Variants in MROH1 observed in about 807,000 individuals in gnomAD.
MROH1 encodes maestro heat-like repeat-containing protein family member 1.
Under a neutral mutation model 116.5 loss-of-function variants are expected in MROH1, and 117 were observed. The observed-to-expected ratio is 1.00, with a 90% CI of 0.86 to 1.17. MROH1 has a LOEUF of 1.17. Among genes scored for constraint, MROH1 ranks in the 50% most tolerant of loss-of-function variants. The pLI, the probability that MROH1 is intolerant of heterozygous loss-of-function variation, is 0.00. For missense variants in MROH1, 1,873 were observed against 1,338.5 expected (o/e 1.40, Z -6.23); for synonymous variants, 921 against 583.9 (o/e 1.58, Z -8.32).
intron 15 of MROH1, 29 bp from the exon 16 acceptor site, chr8:144,239,006 G>T: frequency 1.3e-6 from 1 of 776,054 alleles, no homozygotes. Flanking sequence ...CCTCTGGGCG[G>T]ATGCAGACCA....
chr8:144,220,383 C>G (rs1334396068), intron 12 of MROH1, among the ~76,000 whole-genome samples: 1 of 152,230 alleles, frequency 6.6e-6, no homozygotes, highest in African/African-American at 2.4e-5. Context: ...ACCGACCGCC[C>G]TAAACTACCA....
chr8:144,258,072 G>C (rs996689328), intron 35 of MROH1, among the ~76,000 whole-genome samples: 1 of 152,300 alleles, frequency 6.6e-6, no homozygotes, highest in East Asian at 1.9e-4. Flanking sequence ...CATCTGAGCC[G>C]ATGGTCGATG....
intron 3 of MROH1, among the ~76,000 whole-genome samples, chr8:144,164,745 A>G (rs1820375538): frequency 1.3e-5 from 2 of 152,150 alleles, no homozygotes; most frequent in Admixed American, 6.5e-5. Flanking sequence ...TTCATCAGAA[A>G]AAAAAAATTA....
intron 12 of MROH1, among the ~76,000 whole-genome samples, chr8:144,209,945 T>C (rs1378185694): frequency 3.4e-4 from 49 of 145,320 alleles, no homozygotes; most frequent in Non-Finnish European, 1.5e-5. Flanking sequence ...AGAAACCACA[T>C]AAAACAAATG....
At chr8:144,158,626 G>A (rs2130758340) in intron 1 of MROH1, among the ~76,000 whole-genome samples, 1 of 152,144 alleles carries the variant, frequency 6.6e-6, no homozygotes, top group East Asian at 1.9e-4. Context: ...TTATTTCAAA[G>A]CATATTAAAT....
chr8:144,186,177 G>A (rs1265476904), intron 7 of MROH1, among the ~76,000 whole-genome samples: 1 of 148,134 alleles, frequency 6.8e-6, no homozygotes, highest in Non-Finnish European at 1.5e-5. Context: ...CTGGAGTGCA[G>A]TGGTGTGATC....
chr8:144,234,523 TTTTTTTTTTTTC>T, intron 14 of MROH1, among the ~76,000 whole-genome samples: 2 of 88,204 alleles, frequency 2.3e-5, no homozygotes, highest in African/African-American at 5.6e-5. Context: ...TTTTTTTTTT[TTTTTTTTTTTTC>T]AAAAAGAGTC....
At chr8:144,240,483 G>C (rs2050881795) in intron 19 of MROH1, 87 bp from the exon 20 acceptor site, 2 of 705,848 alleles carry the variant, frequency 2.8e-6, no homozygotes, top group Non-Finnish European at 5.2e-6. Flanking sequence ...AGCCCCTGCA[G>C]CCACAGCACA....
chr8:144,214,069 C>T (rs948819574), intron 12 of MROH1: 2 of 152,214 alleles, frequency 1.3e-5, no homozygotes, highest in African/African-American at 4.8e-5. Flanking sequence ...GAGCCCTGCT[C>T]CTCACCACGG....
chr8:144,169,703 C>T (rs868726563), intron 4 of MROH1, among the ~76,000 whole-genome samples: 14 of 146,580 alleles, frequency 9.6e-5, no homozygotes, highest in South Asian at 2.2e-4. Context: ...AGTGCAGTGG[C>T]GTGATCTCGG....
intron 14 of MROH1, among the ~76,000 whole-genome samples, chr8:144,226,091 T>C (rs1048709943): frequency 4.0e-5 from 6 of 150,576 alleles, no homozygotes; most frequent in Non-Finnish European, 8.9e-5. Context: ...ATTTTTGTAT[T>C]TTTAGTAGAG....
chr8:144,230,802 CTTTTT>C lies in MROH1; in HGVS notation c.1338+7592_1338+7596del, dbSNP rs1161687289. Among the ~76,000 whole-genome samples the C allele has an allele frequency of 1.0e-4, 7 of 68,618 alleles. No individual in the cohort carries two copies. The South Asian group carries it at 2.4e-3, about 23-fold the overall frequency. 45.0% of individuals were successfully genotyped at this position (68,618 alleles called of 152,430 possible). On this transcript the variant is annotated intron_variant, in intron 14 of 43. Transcript: ENST00000326134. ...GGATTTTTCTTCACTAAAAGGTTTT[CTTTTT>C]TTTTTTTTTTTTTTTTTTTAATTGA...
intron 10 of MROH1, among the ~76,000 whole-genome samples, chr8:144,195,554 C>A (rs1829701949): frequency 6.8e-6 from 1 of 147,400 alleles, no homozygotes; most frequent in African/African-American, 2.5e-5. Flanking sequence ...GTTGCCCAGG[C>A]TGGTCTCCAA....
chr8:144,169,623 G>C (rs1455435278), intron 4 of MROH1, among the ~76,000 whole-genome samples: 2 of 147,208 alleles, frequency 1.4e-5, no homozygotes, highest in African/African-American at 5.0e-5. Context: ...GGCTAATTTT[G>C]TATTTTTATT....
intron 10 of MROH1, among the ~76,000 whole-genome samples, chr8:144,197,201 C>G (rs1405623039): frequency 3.3e-5 from 5 of 152,112 alleles, no homozygotes. Flanking sequence ...TAGTTTACAC[C>G]CATTCATGCG....
At chr8:144,211,019 G>C (rs1204674801) in intron 12 of MROH1, among the ~76,000 whole-genome samples, 1 of 152,108 alleles carries the variant, frequency 6.6e-6, no homozygotes, top group Non-Finnish European at 1.5e-5. Context: ...TAAGCTACAG[G>C]TTCCCCTCCG....
At chr8:144,181,463 T>C (rs949893268) in intron 7 of MROH1, among the ~76,000 whole-genome samples, 1 of 152,102 alleles carries the variant, frequency 6.6e-6, no homozygotes, top group Non-Finnish European at 1.5e-5. Context: ...TGACTTTGGG[T>C]TCAGATCACA....
At chr8:144,216,270 C>T (rs560008742) in intron 12 of MROH1, among the ~76,000 whole-genome samples, 2 of 151,496 alleles carry the variant, frequency 1.3e-5, no homozygotes, top group African/African-American at 2.4e-5. Flanking sequence ...GTCAGGAGAG[C>T]GAGACCATCC....
chr8:144,203,634 C>G (rs1483701040), intron 12 of MROH1, among the ~76,000 whole-genome samples: 2 of 152,108 alleles, frequency 1.3e-5, no homozygotes, highest in African/African-American at 4.8e-5. Context: ...AGAGGGGCTG[C>G]TCTGGTCAGT....
Sources: gnomAD v4.1 joint callset for allele counts (sites outside exome capture counted in the v4.1 genomes callset) on GRCh38, gnomAD v4.1.1 for gene constraint, MANE v1.5 for transcripts, NCBI Gene and HGNC (gene_info 2026-07-23, HGNC 2026-07-21) for gene names.